CSMD1: variants seen among roughly 807,000 people sequenced by gnomAD.
CSMD1 encodes the protein CUB and sushi domain-containing protein 1.
CSMD1 carries 213 observed loss-of-function variants against 417.5 expected under a neutral mutation model. That is an observed-to-expected ratio of 0.51 (90% CI 0.46 to 0.57). The LOEUF (loss-of-function observed/expected upper bound fraction) is 0.57, where lower values mean the gene tolerates loss of function less well. CSMD1 is among the 20% of genes least tolerant of loss of function. CSMD1 has a pLI of 0.00. For missense variants in CSMD1, 6,923 were observed against 4,529.7 expected (o/e 1.53, Z -15.17); for synonymous variants, 2,862 against 1,736.8 (o/e 1.65, Z -16.11).
chr8:4,634,256 T>A (rs1217677049), intron 2 of CSMD1, among the ~76,000 whole-genome samples: 1 of 152,284 alleles, frequency 6.6e-6, no homozygotes, highest in Middle Eastern at 3.4e-3. Flanking sequence ...TCTAAATGTT[T>A]TTACATATGT....
intron 1 of CSMD1, among the ~76,000 whole-genome samples, chr8:4,988,069 T>C (rs916995314): frequency 1.3e-5 from 2 of 152,230 alleles, no homozygotes; most frequent in South Asian, 2.1e-4. Context: ...ATCCTATTTG[T>C]TCTGTCCCTC....
chr8:3,011,631 C>A (rs558015484), intron 52 of CSMD1, among the ~76,000 whole-genome samples: 296 of 152,180 alleles, frequency 1.9e-3, no homozygotes, highest in Middle Eastern at 3.4e-3. Flanking sequence ...AATAGCAAAA[C>A]AATCTAATAA....
At chr8:3,386,718 T>C (rs759147648) in intron 18 of CSMD1, among the ~76,000 whole-genome samples, 2 of 152,172 alleles carry the variant, frequency 1.3e-5, no homozygotes, top group African/African-American at 4.8e-5. Flanking sequence ...CTGTTTTCCA[T>C]AGAAACAATG....
chr8:3,241,641 G>A (rs2116974526), intron 26 of CSMD1, among the ~76,000 whole-genome samples: 1 of 152,276 alleles, frequency 6.6e-6, no homozygotes. Context: ...TGGGCTGCAG[G>A]CATTCCTTGG....
intron 1 of CSMD1, among the ~76,000 whole-genome samples, chr8:4,710,210 T>A (rs1008104610): frequency 2.6e-5 from 4 of 151,930 alleles, no homozygotes; most frequent in Non-Finnish European, 5.9e-5. Context: ...TATATACGTA[T>A]CTTCAGTGTG....
At chr8:4,146,846 G>A (rs887687455) in intron 3 of CSMD1, among the ~76,000 whole-genome samples, 1 of 149,612 alleles carries the variant, frequency 6.7e-6, no homozygotes, top group African/African-American at 2.5e-5. Context: ...TCCTGACCTC[G>A]TGATCCGCCC....
At chr8:4,779,605 C>T (rs888022075) in intron 1 of CSMD1, among the ~76,000 whole-genome samples, 1 of 152,232 alleles carries the variant, frequency 6.6e-6, no homozygotes. Context: ...GAAGCATTAG[C>T]TGTACGCCTC....
At chr8:4,628,835 T>TC (rs1802326565) in intron 2 of CSMD1, among the ~76,000 whole-genome samples, 2 of 152,130 alleles carry the variant, frequency 1.3e-5, no homozygotes, top group African/African-American at 4.8e-5. Flanking sequence ...ATCTCTGAGC[T>TC]CCCACCATCA....
At chr8:3,588,040 T>C (rs1215188326) in intron 8 of CSMD1, among the ~76,000 whole-genome samples, 1 of 152,052 alleles carries the variant, frequency 6.6e-6, no homozygotes, top group Non-Finnish European at 1.5e-5. Flanking sequence ...GCCATCGTTT[T>C]TGATCATTGG....
At chr8:3,439,309 A>ATATTTTT in intron 12 of CSMD1, among the ~76,000 whole-genome samples, 196 of 62,368 alleles carry the variant, frequency 3.1e-3, no homozygotes, top group African/African-American at 8.7e-3. Context: ...ATATATATAT[A>ATATTTTT]TTTTTTTTTT....
In CSMD1 at chr8:3,224,702, G is replaced by C. The variant is rs111674133; in HGVS notation, c.4346-835C>G. ...AAGTCATCAATTTTGAATTAAATGT[G>C]TTTACATTTATATTAGCAAGGCAGT... On this transcript the variant is annotated intron_variant, in intron 27 of 69. Coordinates refer to ENST00000635120, the MANE Select transcript of CSMD1 (RefSeq NM_033225.6). Among the ~76,000 whole-genome samples the C allele has an allele frequency of 9.4e-4, 143 of 152,254 alleles. 1 individual carries two copies. Among genetic ancestry groups the C allele is most frequent in the African/African-American group, 3.3e-3 (137 of 41,560 alleles).
intron 5 of CSMD1, among the ~76,000 whole-genome samples, chr8:3,877,742 A>AATAATTCACTTTG (rs1217599080): frequency 6.6e-6 from 1 of 152,214 alleles, no homozygotes; most frequent in African/African-American, 2.4e-5. Context: ...TTTGACCGTT[A>AATAATTCACTTTG]ATAATTCACT....
intron 7 of CSMD1, among the ~76,000 whole-genome samples, chr8:3,673,721 G>C (rs372261882): frequency 6.6e-6 from 1 of 152,132 alleles, no homozygotes; most frequent in Non-Finnish European, 1.5e-5. Flanking sequence ...TATGAGCACT[G>C]CATTTTAGTC....
intron 50 of CSMD1, among the ~76,000 whole-genome samples, chr8:3,035,490 A>G (rs1810617668): frequency 6.6e-6 from 1 of 152,172 alleles, no homozygotes; most frequent in Non-Finnish European, 1.5e-5. Context: ...ACTTTCCCTG[A>G]ACACTAGAAA....
intron 1 of CSMD1, among the ~76,000 whole-genome samples, chr8:4,941,891 C>T (rs1327152783): frequency 6.6e-6 from 1 of 152,210 alleles, no homozygotes; most frequent in African/African-American, 2.4e-5. Flanking sequence ...TGAGCCACCA[C>T]ATCTGGCCCC....
chr8:4,557,799 T>G (rs927252361), intron 2 of CSMD1, among the ~76,000 whole-genome samples: 1 of 152,142 alleles, frequency 6.6e-6, no homozygotes, highest in African/African-American at 2.4e-5. Flanking sequence ...CACGTTCAGG[T>G]TAGATTTCTT....
intron 6 of CSMD1, among the ~76,000 whole-genome samples, chr8:3,712,392 G>GAGAGAGAGAA (rs1563299862): frequency 4.2e-5 from 2 of 47,490 alleles, no homozygotes; most frequent in Non-Finnish European, 9.2e-5. Context: ...GAGAGAGAGA[G>GAGAGAGAGAA]AGAGAGAGAC....
At chr8:3,741,191 G>A (rs1190504543) in intron 6 of CSMD1, among the ~76,000 whole-genome samples, 2 of 138,462 alleles carry the variant, frequency 1.4e-5, no homozygotes, top group African/African-American at 2.8e-5. Flanking sequence ...TCCAGCCCGG[G>A]CAACAGAGCA....
chr8:2,974,461 G>T lies in CSMD1; in HGVS notation c.8730C>A (p.Pro2910=). Residue 2910 remains proline (P), a synonymous_variant, in exon 56 of 70, where the codon CCC becomes CCA. Transcript: ENST00000635120. The part of the protein sequence containing the change: ...QEDSHWSGAL[P]HCTGNNPGFC... ...TCGTAAGCCCCTCACCTGTGCAGTG[G>T]GGCAGTGCCCCGCTCCAGTGACTGT... The T allele has an allele frequency of 6.2e-7, 1 of 1,605,786 alleles. No homozygotes were observed. Among genetic ancestry groups the T allele is most frequent in the South Asian group, 1.1e-5 (1 of 90,406 alleles).
Sources: allele counts gnomAD v4.1 joint callset (sites outside exome capture counted in the v4.1 genomes callset), GRCh38; gene constraint gnomAD v4.1.1; transcripts MANE v1.5; gene names NCBI Gene and HGNC (gene_info 2026-07-23, HGNC 2026-07-21).